Variants in SCHIP1 observed in about 807,000 individuals in gnomAD.
SCHIP1 encodes the protein schwannomin interacting protein 1, also known as schwannomin-interacting protein 1.
In SCHIP1, 8 loss-of-function variants were observed where a neutral mutation model predicts 29.7. That is an observed-to-expected ratio of 0.27 (90% confidence interval 0.16 to 0.49). SCHIP1 has a LOEUF of 0.49. SCHIP1 is among the 20% of genes least tolerant of loss of function. The probability of loss-of-function intolerance (pLI) is 0.99; values close to 1 mark genes in which losing one functional copy is unlikely to be tolerated. For missense variants in SCHIP1, 193 were observed against 294.6 expected, an observed-to-expected ratio of 0.66 and a Z score of 2.52; for synonymous variants, 76 against 94.9, an observed-to-expected ratio of 0.80 and a Z score of 1.16.
the SCHIP1 span, among the ~76,000 whole-genome samples, chr3:159,454,638 A>G: frequency 1.3e-5 from 2 of 152,224 alleles, no homozygotes; most frequent in African/African-American, 2.4e-5. Flanking sequence ...TAGAATTTCC[A>G]TGGTCTCAGA....
At chr3:159,474,071 TC>T in the SCHIP1 span, among the ~76,000 whole-genome samples, 2 of 152,274 alleles carry the variant, frequency 1.3e-5, no homozygotes, top group South Asian at 4.1e-4. Context: ...CTATTTCTTA[TC>T]TTTTTATTAA....
chr3:159,508,851 G>C, the SCHIP1 span, among the ~76,000 whole-genome samples: 3 of 152,132 alleles, frequency 2.0e-5, no homozygotes, highest in Non-Finnish European at 4.4e-5. Flanking sequence ...TATAATTTCT[G>C]TTCTTTTACA....
At chr3:159,597,407 C>T in the SCHIP1 span, among the ~76,000 whole-genome samples, 18 of 151,896 alleles carry the variant, frequency 1.2e-4, no homozygotes, top group African/African-American at 4.3e-4. Context: ...AGGTTTGTAC[C>T]CTTTAACTCA....
chr3:159,283,863 T>A, the SCHIP1 span, among the ~76,000 whole-genome samples: 1 of 152,230 alleles, frequency 6.6e-6, no homozygotes, highest in Non-Finnish European at 1.5e-5. Context: ...TGTCTTATTA[T>A]CCATAGTTGA....
the SCHIP1 span, among the ~76,000 whole-genome samples, chr3:159,349,252 A>C: frequency 6.6e-6 from 1 of 152,176 alleles, no homozygotes; most frequent in Admixed American, 6.6e-5. Flanking sequence ...ATTTTCACCC[A>C]TGTCGTGCAA....
chr3:159,489,853 T>C, the SCHIP1 span, among the ~76,000 whole-genome samples: 1 of 152,076 alleles, frequency 6.6e-6, no homozygotes, highest in African/African-American at 2.4e-5. Flanking sequence ...ACAATGCATA[T>C]GGTCTGGTGT....
At chr3:159,490,700 GGA>G in the SCHIP1 span, among the ~76,000 whole-genome samples, 1 of 152,208 alleles carries the variant, frequency 6.6e-6, no homozygotes, top group Non-Finnish European at 1.5e-5. Context: ...CCTCGTGTAT[GGA>G]GAGGAGATAA....
chr3:159,885,830 C>T (rs766169737), intron 2 of SCHIP1, among the ~76,000 whole-genome samples: 3 of 152,336 alleles, frequency 2.0e-5, no homozygotes, highest in South Asian at 2.1e-4. Context: ...CCCCCTGGGA[C>T]GGGTTCTCTA....
chr3:159,368,990 C>T, the SCHIP1 span, among the ~76,000 whole-genome samples: 3 of 152,208 alleles, frequency 2.0e-5, no homozygotes, highest in African/African-American at 7.2e-5. Flanking sequence ...ACTGACGTTA[C>T]ACTTGGGTAC....
chr3:159,452,665 C>T, the SCHIP1 span, among the ~76,000 whole-genome samples: 1 of 152,116 alleles, frequency 6.6e-6, no homozygotes, highest in South Asian at 2.1e-4. Context: ...AGTATATATC[C>T]AGTAACGGGA....
exon 1 of SCHIP1, chr3:159,840,032 G>A: frequency 1.4e-6 from 2 of 1,470,846 alleles, no homozygotes; most frequent in Non-Finnish European, 1.8e-6. Context: ...CCACTGCGCA[G>A]GTTGATCAGC....
chr3:159,550,225 T>G, the SCHIP1 span, among the ~76,000 whole-genome samples: 5 of 152,110 alleles, frequency 3.3e-5, no homozygotes, highest in African/African-American at 1.2e-4. Flanking sequence ...GCCTTCTTTT[T>G]AACATTATTA....
the SCHIP1 span, among the ~76,000 whole-genome samples, chr3:159,542,646 G>T: frequency 6.6e-6 from 1 of 151,964 alleles, no homozygotes; most frequent in South Asian, 2.1e-4. Flanking sequence ...AACTGAGTTG[G>T]TGATAACAGG....
the SCHIP1 span, among the ~76,000 whole-genome samples, chr3:159,468,611 A>G: frequency 6.6e-6 from 1 of 150,968 alleles, no homozygotes; most frequent in Admixed American, 6.6e-5. Context: ...AGAAAAATAA[A>G]CTATTTTAAA....
At chr3:159,651,273 C>A in the SCHIP1 span, among the ~76,000 whole-genome samples, 5 of 152,156 alleles carry the variant, frequency 3.3e-5, no homozygotes, top group African/African-American at 1.2e-4. Context: ...TTTGCTTTTG[C>A]TTGAACTCTT....
the SCHIP1 span, among the ~76,000 whole-genome samples, chr3:159,351,970 T>C: frequency 6.6e-6 from 1 of 152,220 alleles, no homozygotes; most frequent in African/African-American, 2.4e-5. Flanking sequence ...ACTGAGATGA[T>C]AATTTTTTTA....
chr3:159,611,174 T>C, the SCHIP1 span, among the ~76,000 whole-genome samples: 1 of 152,184 alleles, frequency 6.6e-6, no homozygotes, highest in East Asian at 1.9e-4. Flanking sequence ...TCTGTGTAGA[T>C]AATTTCATGA....
the SCHIP1 span, among the ~76,000 whole-genome samples, chr3:159,790,441 A>C: frequency 2.0e-5 from 3 of 152,222 alleles, no homozygotes; most frequent in Admixed American, 6.5e-5. Flanking sequence ...CTGTAATCCC[A>C]GCGCTTTGAA....
chr3:159,527,537 G>A, the SCHIP1 span, among the ~76,000 whole-genome samples: 1 of 152,110 alleles, frequency 6.6e-6, no homozygotes, highest in Non-Finnish European at 1.5e-5. Flanking sequence ...ATTCCCACTG[G>A]ATTAAATTGT....
Sources: gnomAD v4.1 joint callset for allele counts (sites outside exome capture counted in the v4.1 genomes callset) on GRCh38, gnomAD v4.1.1 for gene constraint, MANE v1.5 for transcripts, NCBI Gene and HGNC (gene_info 2026-07-23, HGNC 2026-07-21) for gene names.